MAP4K1: variants seen among roughly 807,000 people sequenced by gnomAD.
MAP4K1 encodes mitogen-activated protein kinase kinase kinase kinase 1.
Under a neutral mutation model 122.8 loss-of-function variants are expected in MAP4K1, and 35 were observed. That is an observed-to-expected ratio of 0.29 (90% CI 0.22 to 0.38). The LOEUF (loss-of-function observed/expected upper bound fraction) is 0.38, where lower values mean the gene tolerates loss of function less well. MAP4K1 is among the 10% of genes least tolerant of loss of function. The pLI, the probability that MAP4K1 is intolerant of heterozygous loss-of-function variation, is 1.00. For synonymous variants in MAP4K1, 412 were observed against 421.3 expected (o/e 0.98, Z 0.27); for missense variants, 791 against 1,072.6 (o/e 0.74, Z 3.67).
chr19:38,605,223 CTG>C (rs1292707157), intron 19 of MAP4K1, among the ~76,000 whole-genome samples, 184 bp downstream of exon 19: 1 of 152,048 alleles, frequency 6.6e-6, no homozygotes, highest in African/African-American at 2.4e-5. Flanking sequence ...GATAACATCT[CTG>C]TGATATCTTC....
chr19:38,617,686 C>A lies in MAP4K1; in HGVS notation c.100-61G>T. On this transcript the variant is annotated intron_variant, in intron 1 of 30. Coordinates refer to ENST00000396857, the MANE Select transcript of MAP4K1 (RefSeq NM_001042600.3). The surrounding 1 kb of genome is among the most constrained non-coding windows in gnomAD (Gnocchi z 4.1). The stretch of plus-strand genomic sequence containing the variant: ...ATTTGCCAGAGTCCCTCCACAGCAT[C>A]CCTGAGTCAAGGTCAAGAACTGGGA... 9 of 1,608,078 alleles carry A rather than the reference C, an allele frequency of 5.6e-6. No homozygotes were observed. Among genetic ancestry groups the A allele is most frequent in the East Asian group, 2.2e-5 (1 of 44,838 alleles).
At chr19:38,598,773 G>A (rs544398961) in intron 22 of MAP4K1, among the ~76,000 whole-genome samples, 213 of 152,198 alleles carry the variant, frequency 1.4e-3, no homozygotes, top group African/African-American at 4.8e-3. Flanking sequence ...CAGCACTTTG[G>A]GGGGCTGAGA....
intron 4 of MAP4K1, among the ~76,000 whole-genome samples, chr19:38,615,825 T>G (rs994313797): frequency 6.6e-6 from 1 of 151,778 alleles, no homozygotes; most frequent in Non-Finnish European, 1.5e-5. Context: ...GCCCGGCTAA[T>G]TTTTTGTATT....
At chr19:38,593,717 C>A (rs1043739541) in intron 29 of MAP4K1, among the ~76,000 whole-genome samples, 2 of 152,262 alleles carry the variant, frequency 1.3e-5, no homozygotes, top group African/African-American at 4.8e-5. Context: ...TGTATTTCTA[C>A]TGAAAATACA....
At position 38,596,015 on chromosome 19, in the gene MAP4K1, G is replaced by C; in HGVS notation, c.2117-14C>G. 1 of 1,613,300 alleles carries C rather than the reference G, an allele frequency of 6.2e-7. No individual in the cohort carries two copies. The highest frequency in any genetic ancestry group is 8.5e-7 in the Non-Finnish European group (1 of 1,179,444). On this transcript the variant is annotated splice_polypyrimidine_tract_variant and intron_variant, in intron 26 of 30. Transcript: ENST00000396857. ...GTCCCCTGTGCTCTGTTTGGGGGGA[G>C]TGGGTTAAGGATTGACCCCACCCCA...
intron 30 of MAP4K1, among the ~76,000 whole-genome samples, chr19:38,590,938 A>G (rs991376309): frequency 6.6e-6 from 1 of 151,624 alleles, no homozygotes; most frequent in African/African-American, 2.4e-5. Flanking sequence ...CACGTCTGCA[A>G]TTCATTCCCA....
chr19:38,603,223 T>C (rs1393773210), intron 19 of MAP4K1, among the ~76,000 whole-genome samples: 3 of 146,954 alleles, frequency 2.0e-5, no homozygotes, highest in Non-Finnish European at 4.4e-5. Context: ...TATACACATA[T>C]ACATATACAC....
chr19:38,612,320 T>G (rs1040520651), intron 9 of MAP4K1, among the ~76,000 whole-genome samples: 1 of 151,302 alleles, frequency 6.6e-6, no homozygotes, highest in South Asian at 2.1e-4. Flanking sequence ...CTCGGGAGGC[T>G]GAGGCAGGAA....
intron 25 of MAP4K1, 95 bp from the exon 26 acceptor site, chr19:38,596,581 G>C: frequency 9.4e-7 from 1 of 1,068,288 alleles, no homozygotes; most frequent in Non-Finnish European, 1.3e-6. Context: ...TCCGAACCAG[G>C]GCCCTAAGTC....
chr19:38,588,997 G>A (rs942489340), intron 30 of MAP4K1, among the ~76,000 whole-genome samples: 4 of 152,060 alleles, frequency 2.6e-5, no homozygotes, highest in African/African-American at 9.7e-5. Flanking sequence ...CTGGTATAAA[G>A]AAAGAAGAAT....
chr19:38,598,071 C>T (rs190784315), intron 22 of MAP4K1, among the ~76,000 whole-genome samples: 6 of 152,168 alleles, frequency 3.9e-5, no homozygotes, highest in African/African-American at 1.2e-4. Flanking sequence ...CGCTCTGTCA[C>T]CCAGGCTGGA....
chr19:38,605,288 C>T, intron 19 of MAP4K1, 121 bp downstream of exon 19: 2 of 738,700 alleles, frequency 2.7e-6, no homozygotes. Flanking sequence ...GTGTAGGGCA[C>T]AGAGAAGCGC....
At position 38,609,663 on chromosome 19, in the gene MAP4K1, A is replaced by G. The variant is rs888112951; in HGVS notation, c.939T>C (p.Ala313=). 5.6e-6 allele frequency: 9 copies of G among 1,612,642 alleles called. No individual in the cohort carries two copies. The South Asian group carries it at 7.7e-5, about 14-fold the overall frequency. Residue 313 remains alanine (A), a synonymous_variant, in exon 13 of 31, where the codon GCT becomes GCC. Transcript: ENST00000396857. ...GGGTGGATCTGATCCGCCGAGGGAT[A>G]GCAGGGGGTAGCTGGGCAGAGGGGC... ...IEDEEPELPP[A]IPRRIRSTHR... is the part of the protein sequence containing the mutation.
intron 22 of MAP4K1, among the ~76,000 whole-genome samples, chr19:38,599,211 G>C (rs1974985959): frequency 6.7e-6 from 1 of 149,434 alleles, no homozygotes; most frequent in African/African-American, 2.5e-5. Flanking sequence ...AGCCAGTCAT[G>C]ATGGCTCACA....
In MAP4K1 at chr19:38,611,314, G is replaced by T; in HGVS notation, c.666-9C>A. ...TCATGAGGAAGAGAACTCTAGAATAGTAGGGAAAGGACATGGGGTTCAGAC... is the reference window on the plus strand; with the variant it reads ...TCATGAGGAAGAGAACTCTAGAATATTAGGGAAAGGACATGGGGTTCAGAC... On this transcript the variant is annotated splice_polypyrimidine_tract_variant and intron_variant, in intron 9 of 30. Transcript: ENST00000396857. 1 of 1,606,826 alleles carries T rather than the reference G, an allele frequency of 6.2e-7. No homozygotes were observed. The highest frequency in any genetic ancestry group is 8.5e-7 in the Non-Finnish European group (1 of 1,173,500).
intron 30 of MAP4K1, among the ~76,000 whole-genome samples, chr19:38,590,392 AAAATATATATATATATATATAT>A (rs1367032506): frequency 0.012 from 236 of 19,748 alleles, 7 homozygotes; most frequent in Middle Eastern, 0.05. Context: ...AAAAAAAAAA[AAAATATATATATATATATATAT>A]ATATATATAT....
chr19:38,602,226 A>C (rs1034370893), intron 19 of MAP4K1, among the ~76,000 whole-genome samples: 45 of 151,548 alleles, frequency 3.0e-4, no homozygotes, highest in African/African-American at 1.0e-3. Context: ...CTGGCACACA[A>C]CACCACGCCT....
chr19:38,595,583 T>C (rs751278581), intron 28 of MAP4K1, 28 bp from the exon 29 acceptor site: 7 of 1,614,052 alleles, frequency 4.3e-6, no homozygotes, highest in African/African-American at 4.0e-5. Flanking sequence ...CCCGTTACCC[T>C]TGGGGATCAC....
intron 16 of MAP4K1, among the ~76,000 whole-genome samples, chr19:38,607,406 A>T (rs1975358348): frequency 6.6e-6 from 1 of 151,830 alleles, no homozygotes; most frequent in South Asian, 2.1e-4. Context: ...TAAAAATACA[A>T]AAAATTAGCT....
Sources: allele counts gnomAD v4.1 joint callset (sites outside exome capture counted in the v4.1 genomes callset), GRCh38; gene constraint gnomAD v4.1.1; non-coding constraint Gnocchi (gnomAD v3.1); transcripts MANE v1.5; gene names NCBI Gene and HGNC (gene_info 2026-07-23, HGNC 2026-07-21).